ZC3H12B: variants seen among roughly 807,000 people sequenced by gnomAD.
The protein encoded by ZC3H12B is zinc finger CCCH-type containing 12B.
Under a neutral mutation model 43.9 loss-of-function variants are expected in ZC3H12B, and 7 were observed. The ratio of observed to expected loss-of-function variants is 0.16; its 90% confidence interval spans 0.09 to 0.30. The LOEUF (loss-of-function observed/expected upper bound fraction) is 0.30, where lower values mean the gene tolerates loss of function less well. Ranked by LOEUF, ZC3H12B falls within the 10% of genes least tolerant of loss-of-function variation. ZC3H12B has a pLI of 1.00. For missense variants in ZC3H12B, 475 were observed against 670.2 expected (o/e 0.71, Z 3.22); for synonymous variants, 222 against 241.7 (o/e 0.92, Z 0.76).
chrX:65,392,637 C>G (rs755647175), intron 2 of ZC3H12B, among the ~76,000 whole-genome samples: 1 of 110,728 alleles, frequency 9.0e-6, no homozygotes, highest in Non-Finnish European at 1.9e-5. Flanking sequence ...AGGTGGGGGG[C>G]GCCTCTGCCC....
chrX:65,141,015 A>G, the ZC3H12B span, among the ~76,000 whole-genome samples: 1 of 111,564 alleles, frequency 9.0e-6, no homozygotes, highest in African/African-American at 3.2e-5. Flanking sequence ...CCCAAGTCTT[A>G]CATTGATTTT....
At chrX:65,312,699 G>A in the ZC3H12B span, among the ~76,000 whole-genome samples, 1 of 111,374 alleles carries the variant, frequency 9.0e-6, no homozygotes, top group South Asian at 3.8e-4. Flanking sequence ...TGAATATATA[G>A]TGAGGTCTCA....
the ZC3H12B span, chrX:65,185,129 A>G: frequency 9.0e-6 from 1 of 111,312 alleles, no homozygotes; most frequent in South Asian, 3.7e-4. Context: ...GACAATCACA[A>G]TATGTTTTAA....
the ZC3H12B span, among the ~76,000 whole-genome samples, chrX:65,098,154 A>G: frequency 9.1e-6 from 1 of 109,403 alleles, no homozygotes; most frequent in Non-Finnish European, 1.9e-5. Context: ...ACCTGATATG[A>G]ATGAGGGAGA....
the ZC3H12B span, among the ~76,000 whole-genome samples, chrX:65,076,961 G>C: frequency 9.0e-6 from 1 of 111,153 alleles, no homozygotes; most frequent in South Asian, 3.8e-4. Flanking sequence ...AGTTTTCCTA[G>C]TTCTTTGCAT....
chrX:65,185,182 A>G, the ZC3H12B span: 2 of 111,662 alleles, frequency 1.8e-5, no homozygotes, highest in Non-Finnish European at 3.8e-5. Flanking sequence ...AACAATGGAT[A>G]TGGACGGTAT....
At chrX:65,037,900 T>C in the ZC3H12B span, among the ~76,000 whole-genome samples, 2 of 111,180 alleles carry the variant, frequency 1.8e-5, no homozygotes, top group African/African-American at 6.5e-5. Flanking sequence ...TTCATATCTG[T>C]CAAAGTTCTA....
At chrX:65,225,008 G>A in the ZC3H12B span, among the ~76,000 whole-genome samples, 2 of 111,827 alleles carry the variant, frequency 1.8e-5, no homozygotes, top group African/African-American at 6.5e-5. Context: ...GTCTGACAGA[G>A]TTGAAGACAG....
intron 3 of ZC3H12B, among the ~76,000 whole-genome samples, chrX:65,433,302 T>C (rs1272166463): frequency 1.8e-5 from 2 of 112,320 alleles, no homozygotes; most frequent in Admixed American, 9.5e-5. Flanking sequence ...CTTTCAAGTC[T>C]TTGATGATGG....
intron 3 of ZC3H12B, among the ~76,000 whole-genome samples, chrX:65,410,660 G>T (rs1057288284): frequency 1.8e-5 from 2 of 111,652 alleles, no homozygotes; most frequent in Non-Finnish European, 3.8e-5. Context: ...CAAAAGATTT[G>T]AATAATTTCT....
chrX:65,407,714 G>A (rs2066849804), intron 3 of ZC3H12B, among the ~76,000 whole-genome samples: 1 of 113,731 alleles, frequency 8.8e-6, no homozygotes, highest in South Asian at 3.5e-4. Context: ...TCCCCGAGGG[G>A]AGTGCGGTCG....
chrX:65,451,751 G>T (rs1378088988), intron 3 of ZC3H12B, among the ~76,000 whole-genome samples: 1 of 111,833 alleles, frequency 8.9e-6, no homozygotes, highest in African/African-American at 3.3e-5. Context: ...GATTCTGAGG[G>T]CTTCTCACAT....
chrX:65,289,038 G>A, the ZC3H12B span, among the ~76,000 whole-genome samples: 27 of 110,169 alleles, frequency 2.5e-4, no homozygotes, highest in African/African-American at 8.9e-4. Flanking sequence ...TAATATAGGA[G>A]GTAAAATATC....
the ZC3H12B span, among the ~76,000 whole-genome samples, chrX:65,294,110 A>G: frequency 9.0e-6 from 1 of 111,662 alleles, no homozygotes; most frequent in Non-Finnish European, 1.9e-5. Context: ...AGGTGAAAGC[A>G]TCATGTAACC....
chrX:65,289,891 C>A, the ZC3H12B span, among the ~76,000 whole-genome samples: 1 of 110,603 alleles, frequency 9.0e-6, no homozygotes. Flanking sequence ...TAGAAGAAAA[C>A]AGATAAAATT....
At chrX:65,435,743 TCA>T (rs1336118606) in intron 3 of ZC3H12B, among the ~76,000 whole-genome samples, 3 of 111,189 alleles carry the variant, frequency 2.7e-5, no homozygotes, top group African/African-American at 9.8e-5. Flanking sequence ...GAAAATGGGC[TCA>T]CACTATTAAG....
chrX:65,291,174 G>T, the ZC3H12B span, among the ~76,000 whole-genome samples: 2 of 111,361 alleles, frequency 1.8e-5, no homozygotes, highest in African/African-American at 6.5e-5. Flanking sequence ...TGGAGAAATT[G>T]AGTCCCTGTA....
At chrX:65,282,334 A>G in the ZC3H12B span, among the ~76,000 whole-genome samples, 1 of 111,548 alleles carries the variant, frequency 9.0e-6, no homozygotes, top group Non-Finnish European at 1.9e-5. Context: ...AACAACAACA[A>G]CAAAAAATTA....
At chrX:65,058,810 C>T in the ZC3H12B span, among the ~76,000 whole-genome samples, 7 of 112,095 alleles carry the variant, frequency 6.2e-5, no homozygotes, top group Non-Finnish European at 9.4e-5. Flanking sequence ...TGCCACCTTG[C>T]AGTTGGATCT....
Sources: allele counts gnomAD v4.1 joint callset (sites outside exome capture counted in the v4.1 genomes callset), GRCh38; gene constraint gnomAD v4.1.1; transcripts MANE v1.5; gene names NCBI Gene and HGNC (gene_info 2026-07-23, HGNC 2026-07-21).